The following PDZD2 variants were observed in gnomAD, a reference collection of about 807,000 sequenced individuals.
PDZD2 encodes PDZ domain-containing protein 2.
Under a neutral mutation model 220.7 loss-of-function variants are expected in PDZD2, and 90 were observed. The ratio of observed to expected loss-of-function variants is 0.41; its 90% CI spans 0.34 to 0.49. PDZD2 has a LOEUF of 0.49. PDZD2 is among the 20% of genes least tolerant of loss of function. The pLI is 0.28. For missense variants in PDZD2, 3,174 were observed against 3,608.5 expected (o/e 0.88, Z 3.08); for synonymous variants, 1,375 against 1,450.5 (o/e 0.95, Z 1.18).
chr5:31,841,839 C>T lies in PDZD2; in HGVS notation c.476+42115C>T, dbSNP rs1187877932. Among the ~76,000 whole-genome samples the T allele has an allele frequency of 5.9e-5, 9 of 151,932 alleles. No individual in the cohort carries two copies. The South Asian group carries it at 6.3e-4, about 11-fold the overall frequency. On this transcript the variant is annotated intron_variant, in intron 2 of 24. Transcript: ENST00000438447. Reference sequence around the variant, plus strand: ...TACAAAAATTAGCCAGGTATGGTGGCGCATGCCTGTAGTCCCAGCTACTCG... The same window carrying T: ...TACAAAAATTAGCCAGGTATGGTGGTGCATGCCTGTAGTCCCAGCTACTCG...
intron 2 of PDZD2, among the ~76,000 whole-genome samples, chr5:31,941,961 G>A (rs1486618121): frequency 6.6e-6 from 1 of 152,076 alleles, no homozygotes; most frequent in Non-Finnish European, 1.5e-5. Context: ...TTAATTCTGT[G>A]GGTTCTTCAT....
In PDZD2 at chr5:31,989,416, C is replaced by CTTTTTTTTTTTTTTTTTTTTTT. The variant is rs1385913596; in HGVS notation, c.978+5764_978+5765insTTTTTTTTTTTTTTTTTTTTTT. 5.8e-5 allele frequency among the ~76,000 whole-genome samples: 7 copies of CTTTTTTTTTTTTTTTTTTTTTT among 120,636 alleles called. 1 individual carries two copies. The South Asian group carries it at 8.8e-4, about 15-fold the overall frequency. 79.1% of individuals were successfully genotyped at this position (120,636 alleles called of 152,430 possible). On this transcript the variant is annotated intron_variant, in intron 3 of 24. Coordinates refer to ENST00000438447, the MANE Select transcript of PDZD2 (RefSeq NM_178140.4). ...TATTCTGTGGTATATACCACATTTT[C>CTTTTTTTTTTTTTTTTTTTTTT]TTTTCTTTTTTTTTTTTTTTTTTTG... is the stretch of plus-strand genomic sequence containing the variant.
intron 14 of PDZD2, among the ~76,000 whole-genome samples, chr5:32,068,884 G>T (rs546885940): frequency 6.6e-6 from 1 of 152,234 alleles, no homozygotes; most frequent in South Asian, 2.1e-4. Context: ...GCATGTAAAT[G>T]TGGCAAAATG....
chr5:32,108,551 T>TAAGA lies in PDZD2; in HGVS notation c.*417_*420dup, dbSNP rs1205035085. The TAAGA allele has an allele frequency of 1.3e-5, 2 of 153,018 alleles. No homozygotes were observed. Among genetic ancestry groups the TAAGA allele is most frequent in the Non-Finnish European group, 2.9e-5 (2 of 69,070 alleles). The allele number at this position is 153,018 out of a possible 1,614,324, so 9.5% of individuals were successfully genotyped here. On this transcript the variant is annotated 3_prime_UTR_variant, in exon 25 of 25. Coordinates refer to ENST00000438447, the MANE Select transcript of PDZD2 (RefSeq NM_178140.4). ...CTGAGGGGGACACAAATGTCACACC[T>TAAGA]AAGAGGACAATCAATCATTTTGTAT...
rs1745005660 is a variant in PDZD2, at chr5:32,108,378, C to T, written c.*243C>T. 1 of 312,452 alleles carries T rather than the reference C, an allele frequency of 3.2e-6. No homozygotes were observed. The highest frequency in any genetic ancestry group is 4.8e-5 in the Admixed American group (1 of 20,704). The allele number at this position is 312,452 out of a possible 1,614,324, so 19.4% of individuals were successfully genotyped here. On this transcript the variant is annotated 3_prime_UTR_variant, in exon 25 of 25. Transcript: ENST00000438447. ...GGTTCCTTCGTTCCAGTGCCTGTCC[C>T]CTACCTTTATGTTATGTTTACTGAT... is the stretch of plus-strand genomic sequence containing the variant.
chr5:31,825,088 C>T lies in PDZD2; in HGVS notation c.476+25364C>T, dbSNP rs1756133272. Reference sequence around the variant, plus strand: ...ATCCCCACCTCCACCTCCTGGCCACCCACCAGGGATAGATAGACTAAACCC... The same window carrying T: ...ATCCCCACCTCCACCTCCTGGCCACTCACCAGGGATAGATAGACTAAACCC... On this transcript the variant is annotated intron_variant, in intron 2 of 24. Transcript: ENST00000438447. 2.6e-5 allele frequency among the ~76,000 whole-genome samples: 4 copies of T among 152,276 alleles called. No homozygotes were observed. The South Asian group carries it at 8.3e-4, about 32-fold the overall frequency.
rs559110108 is a variant in PDZD2 at position 31,896,680 on chromosome 5, G to C, written c.477-86475G>C. 2.2e-4 allele frequency among the ~76,000 whole-genome samples: 34 copies of C among 152,306 alleles called. No individual in the cohort carries two copies. In the South Asian group the frequency reaches 6.9e-3, roughly 31 times the overall value. On this transcript the variant is annotated intron_variant, in intron 2 of 24. Transcript: ENST00000438447. Reference sequence around the variant, plus strand: ...TTACAATAATCTTATTTTACTGGCTGAGTGCTATGGCTCATGGCTGTAATC... The same window carrying C: ...TTACAATAATCTTATTTTACTGGCTCAGTGCTATGGCTCATGGCTGTAATC...
chr5:31,653,772 C>T (rs918875998), intron 1 of PDZD2, among the ~76,000 whole-genome samples: 5 of 150,160 alleles, frequency 3.3e-5, no homozygotes, highest in Non-Finnish European at 5.9e-5. Flanking sequence ...GGAAGACAGA[C>T]ATTCAGTATA....
In PDZD2 at chr5:32,079,982, A is replaced by G. The variant is rs552880080; in HGVS notation, c.3682+2376A>G. ...GTTCTGGTTTCTCTTTCGGGTTCAC[A>G]TTCACTTGCTGGACAAACACTAACA... On this transcript the variant is annotated intron_variant, in intron 19 of 24. Coordinates refer to ENST00000438447, the MANE Select transcript of PDZD2 (RefSeq NM_178140.4). Among the ~76,000 whole-genome samples, 103 of 152,274 alleles carry G rather than the reference A, an allele frequency of 6.8e-4. 1 individual carries two copies. The highest frequency in any genetic ancestry group is 2.3e-3 in the African/African-American group (95 of 41,546).
intron 2 of PDZD2, among the ~76,000 whole-genome samples, chr5:31,914,260 G>A (rs1346334037): frequency 4.6e-5 from 7 of 152,176 alleles, no homozygotes; most frequent in Admixed American, 1.3e-4. Flanking sequence ...GGCCGGGCGC[G>A]GTGGCTCACG....
In PDZD2 at chr5:32,025,591, C is replaced by CTTTTTTTTTTTTTTTTTTTTTTTTTTT. The variant is rs70957998; in HGVS notation, c.1408-11638_1408-11612dup. 2.8e-4 allele frequency among the ~76,000 whole-genome samples: 19 copies of CTTTTTTTTTTTTTTTTTTTTTTTTTTT among 67,524 alleles called. 2 individuals are homozygous for CTTTTTTTTTTTTTTTTTTTTTTTTTTT. Among genetic ancestry groups the CTTTTTTTTTTTTTTTTTTTTTTTTTTT allele is most frequent in the African/African-American group, 5.2e-4 (8 of 15,246 alleles). The allele number at this position is 67,524 out of a possible 152,430, so 44.3% of individuals were successfully genotyped here. ...AGTGAGCCCAAATGTAACCATGATG[C>CTTTTTTTTTTTTTTTTTTTTTTTTTTT]TTTTTTTTTTTTTTTTTTTTTTTTT... is the stretch of plus-strand genomic sequence containing the variant. On this transcript the variant is annotated intron_variant, in intron 6 of 24. Transcript: ENST00000438447.
intron 1 of PDZD2, among the ~76,000 whole-genome samples, chr5:31,645,534 AC>A (rs1461256501): frequency 6.6e-6 from 1 of 151,966 alleles, no homozygotes; most frequent in East Asian, 1.9e-4. Context: ...ACGTGGTTTC[AC>A]CATGTTGGCC....
chr5:31,701,711 T>C (rs1747616698), intron 1 of PDZD2, among the ~76,000 whole-genome samples: 1 of 152,220 alleles, frequency 6.6e-6, no homozygotes, highest in East Asian at 1.9e-4. Context: ...CATTTGCATC[T>C]GGGAACGCAA....
chr5:32,034,722 C>T (rs1274018442), intron 6 of PDZD2, among the ~76,000 whole-genome samples: 2 of 152,052 alleles, frequency 1.3e-5, no homozygotes, highest in African/African-American at 4.8e-5. Flanking sequence ...ATGGAAAGAA[C>T]CTGGAGACAG....
At chr5:31,992,626 T>C (rs1461892067) in intron 3 of PDZD2, among the ~76,000 whole-genome samples, 3 of 152,114 alleles carry the variant, frequency 2.0e-5, no homozygotes, top group Admixed American at 2.0e-4. Context: ...GAGAAAAGAA[T>C]GGTGGTGTAA....
intron 21 of PDZD2, among the ~76,000 whole-genome samples, chr5:32,093,866 G>A (rs367719541): frequency 1.2e-4 from 18 of 152,132 alleles, no homozygotes; most frequent in Admixed American, 5.2e-4. Context: ...TAGTCTCAGC[G>A]ACTCAGGAGG....
At chr5:31,803,379 A>C (rs560415434) in intron 2 of PDZD2, among the ~76,000 whole-genome samples, 2 of 149,962 alleles carry the variant, frequency 1.3e-5, no homozygotes, top group African/African-American at 4.9e-5. Context: ...TTAGGATTAC[A>C]GGTGTGAGTC....
chr5:31,677,171 G>T (rs1746462867), intron 1 of PDZD2, among the ~76,000 whole-genome samples: 1 of 152,212 alleles, frequency 6.6e-6, no homozygotes, highest in Non-Finnish European at 1.5e-5. Flanking sequence ...AGGAAGGGTT[G>T]CATTACTGTC....
intron 2 of PDZD2, among the ~76,000 whole-genome samples, chr5:31,861,725 G>T (rs1459707025): frequency 2.0e-5 from 3 of 152,160 alleles, no homozygotes. Flanking sequence ...AGGCTGAAAG[G>T]TCTGCCTGCA....
Sources: allele counts gnomAD v4.1 joint callset (sites outside exome capture counted in the v4.1 genomes callset), GRCh38; gene constraint gnomAD v4.1.1; transcripts MANE v1.5; gene names NCBI Gene and HGNC (gene_info 2026-07-23, HGNC 2026-07-21).